Variants in SLC6A17 observed in about 807,000 individuals in gnomAD.
SLC6A17 encodes the protein sodium-dependent neutral amino acid transporter SLC6A17.
In SLC6A17, 21 loss-of-function variants were observed where a neutral mutation model predicts 64.5. The observed-to-expected ratio is 0.33, with a 90% confidence interval of 0.23 to 0.47. The LOEUF (loss-of-function observed/expected upper bound fraction) is 0.47. SLC6A17 is among the 20% of genes least tolerant of loss of function. SLC6A17 has a pLI of 1.00. For synonymous variants in SLC6A17, 372 were observed against 399.5 expected (o/e 0.93, Z 0.82); for missense variants, 682 against 963.2 (o/e 0.71, Z 3.86).
chr1:110,151,153 G>A (rs1296934386), intron 1 of SLC6A17, among the ~76,000 whole-genome samples: 2 of 152,244 alleles, frequency 1.3e-5, no homozygotes, highest in Non-Finnish European at 2.9e-5. Flanking sequence ...AGCTTCTGGT[G>A]CTCAGAAGGG....
intron 6 of SLC6A17, among the ~76,000 whole-genome samples, chr1:110,186,107 AT>A (rs1332851240): frequency 6.6e-6 from 1 of 152,268 alleles, no homozygotes; most frequent in East Asian, 1.9e-4. Context: ...ATATTCCATA[AT>A]TTTTTAGTGG....
At chr1:110,174,992 A>G (rs1196209063) in intron 5 of SLC6A17, 32 bp downstream of exon 5, 3 of 1,600,066 alleles carry the variant, frequency 1.9e-6, no homozygotes, top group East Asian at 2.2e-5. Flanking sequence ...CAGGACCCAA[A>G]TGGGGAACAG....
intron 3 of SLC6A17, among the ~76,000 whole-genome samples, chr1:110,173,195 G>A (rs1209936229): frequency 1.3e-5 from 2 of 152,210 alleles, no homozygotes; most frequent in Non-Finnish European, 2.9e-5. Flanking sequence ...CTCCCAGAAG[G>A]GTCTGCTCTA....
At chr1:110,173,561 G>A (rs1656296111) in intron 3 of SLC6A17, among the ~76,000 whole-genome samples, 1 of 152,222 alleles carries the variant, frequency 6.6e-6, no homozygotes, top group Non-Finnish European at 1.5e-5. Flanking sequence ...AAGCACAGCA[G>A]TCTGGGTTTG....
intron 10 of SLC6A17, among the ~76,000 whole-genome samples, chr1:110,196,508 C>T (rs1440480490): frequency 6.6e-6 from 1 of 152,036 alleles, no homozygotes; most frequent in African/African-American, 2.4e-5. Context: ...CCTCTGCTTC[C>T]ACCTGCTGTG....
intron 4 of SLC6A17, among the ~76,000 whole-genome samples, 160 bp from the exon 5 acceptor site, chr1:110,174,619 G>A (rs1412340793): frequency 6.6e-6 from 1 of 152,184 alleles, no homozygotes; most frequent in Non-Finnish European, 1.5e-5. Flanking sequence ...ATTCCTCAGG[G>A]TCTGCCAGAT....
At chr1:110,197,080 C>T (rs952680897) in intron 10 of SLC6A17, among the ~76,000 whole-genome samples, 2 of 152,226 alleles carry the variant, frequency 1.3e-5, no homozygotes, top group African/African-American at 4.8e-5. Context: ...ACTTCTACTG[C>T]TTTTCCAGCA....
chr1:110,194,023 T>G (rs1478809654), intron 8 of SLC6A17, among the ~76,000 whole-genome samples: 1 of 152,176 alleles, frequency 6.6e-6, no homozygotes, highest in Non-Finnish European at 1.5e-5. Context: ...TGGCTACCCA[T>G]TAGAGTTCCT....
intron 1 of SLC6A17, among the ~76,000 whole-genome samples, chr1:110,158,201 G>A (rs1328086757): frequency 2.6e-5 from 4 of 152,158 alleles, no homozygotes; most frequent in Admixed American, 2.6e-4. Context: ...AATATTTGTT[G>A]AAAGAAGTAA....
chr1:110,181,423 C>T (rs547038796), intron 6 of SLC6A17, among the ~76,000 whole-genome samples: 1 of 152,364 alleles, frequency 6.6e-6, no homozygotes, highest in African/African-American at 2.4e-5. Context: ...AACCATCATT[C>T]ACTTATTCAT....
In SLC6A17 at chr1:110,163,935, G is replaced by C. The variant is rs56873650; in HGVS notation, c.-87-2908G>C. ...CCCAACCCCCGCATCCAGCATAAAA[G>C]AGCCACCTGCCAGCTTGCTCCACCC... On this transcript the variant is annotated intron_variant, in intron 1 of 11. Coordinates refer to ENST00000331565, the MANE Select transcript of SLC6A17 (RefSeq NM_001010898.4). Among the ~76,000 whole-genome samples, 1,344 of 152,092 alleles carry C rather than the reference G, an allele frequency of 8.8e-3. 27 individuals carry two copies. The highest frequency in any genetic ancestry group is 0.031 in the African/African-American group (1,280 of 41,482).
chr1:110,190,600 A>C (rs1196914832), intron 6 of SLC6A17, among the ~76,000 whole-genome samples: 1 of 152,222 alleles, frequency 6.6e-6, no homozygotes, highest in Non-Finnish European at 1.5e-5. Flanking sequence ...CCTAGAGTCC[A>C]ACACCTCACT....
At chr1:110,180,544 T>C in intron 6 of SLC6A17, among the ~76,000 whole-genome samples, 1 of 152,110 alleles carries the variant, frequency 6.6e-6, no homozygotes, top group East Asian at 1.9e-4. Flanking sequence ...GGTTCCTATT[T>C]ACAAATCCCT....
At chr1:110,176,101 A>G (rs868320209) in intron 5 of SLC6A17, among the ~76,000 whole-genome samples, 1 of 152,162 alleles carries the variant, frequency 6.6e-6, no homozygotes, top group Non-Finnish European at 1.5e-5. Flanking sequence ...GAGGCCATGT[A>G]CCACGCACGC....
chr1:110,163,841 A>G (rs1170189664), intron 1 of SLC6A17, among the ~76,000 whole-genome samples: 3 of 152,000 alleles, frequency 2.0e-5, no homozygotes, highest in Non-Finnish European at 2.9e-5. Context: ...CGCTCTGCCA[A>G]TGCTCTTTCC....
chr1:110,178,517 C>T (rs1656431484), intron 6 of SLC6A17: 1 of 152,244 alleles, frequency 6.6e-6, no homozygotes, highest in South Asian at 2.1e-4. Context: ...CCTCCCTGAT[C>T]CCATTCCCTT....
intron 10 of SLC6A17, among the ~76,000 whole-genome samples, chr1:110,196,901 A>G (rs753098685): frequency 7.2e-5 from 11 of 152,198 alleles, no homozygotes; most frequent in Non-Finnish European, 1.3e-4. Flanking sequence ...TGCATTCATA[A>G]TATAATAGAA....
In SLC6A17 at chr1:110,198,072, G is replaced by T. The variant is rs758183015; in HGVS notation, c.1816-4G>T. 6.2e-7 allele frequency: 1 copy of T among 1,607,320 alleles called. No individual in the cohort carries two copies. Among genetic ancestry groups the T allele is most frequent in the South Asian group, 1.1e-5 (1 of 90,534 alleles). On this transcript the variant is annotated splice_region_variant and splice_polypyrimidine_tract_variant and intron_variant, in intron 11 of 11. Coordinates refer to ENST00000331565, the MANE Select transcript of SLC6A17 (RefSeq NM_001010898.4). Reference sequence around the variant, plus strand: ...CAGCAGCCCTTAAGGCAGCCCACCCGCAGGCTGCCGAGCGCTACCTGTATT... The same window carrying T: ...CAGCAGCCCTTAAGGCAGCCCACCCTCAGGCTGCCGAGCGCTACCTGTATT...
chr1:110,164,026 C>T (rs148668443), intron 1 of SLC6A17, among the ~76,000 whole-genome samples: 9 of 152,262 alleles, frequency 5.9e-5, no homozygotes, highest in African/African-American at 2.2e-4. Flanking sequence ...CACCCCTGGC[C>T]ATTACATTAT....
Sources: gnomAD v4.1 joint callset for allele counts (sites outside exome capture counted in the v4.1 genomes callset) on GRCh38, gnomAD v4.1.1 for gene constraint, MANE v1.5 for transcripts, NCBI Gene and HGNC (gene_info 2026-07-23, HGNC 2026-07-21) for gene names.